PAIP2B: variants seen among roughly 807,000 people sequenced by gnomAD.
PAIP2B encodes the protein polyadenylate-binding protein-interacting protein 2B.
A neutral mutation model predicts 17.0 loss-of-function variants in PAIP2B; 13 were observed. That is an observed-to-expected ratio of 0.76 (90% CI 0.50 to 1.22). The LOEUF is 1.22. Among genes scored for constraint, PAIP2B ranks in the 50% most tolerant of loss-of-function variants. The pLI is 0.00. For synonymous variants in PAIP2B, 43 were observed against 48.7 expected (o/e 0.88, Z 0.48); for missense variants, 117 against 144.5 (o/e 0.81, Z 0.98).
intron 1 of PAIP2B, among the ~76,000 whole-genome samples, chr2:71,212,152 C>T (rs754271408): frequency 2.0e-5 from 3 of 152,200 alleles, no homozygotes; most frequent in Non-Finnish European, 4.4e-5. Flanking sequence ...CAAGTGTCTC[C>T]ATACATTTCA....
intron 2 of PAIP2B, among the ~76,000 whole-genome samples, chr2:71,202,130 G>T (rs995589748): frequency 1.3e-5 from 2 of 152,228 alleles, no homozygotes; most frequent in Non-Finnish European, 2.9e-5. Context: ...AGAGTGTGGA[G>T]TATATGCAAA....
At position 71,196,958 on chromosome 2, in the gene PAIP2B, T is replaced by A. The variant is rs1005859492; in HGVS notation, c.138+5494A>T. Among the ~76,000 whole-genome samples, 9 of 152,276 alleles carry A rather than the reference T, an allele frequency of 5.9e-5. No individual in the cohort carries two copies. In the East Asian group the frequency reaches 1.7e-3, roughly 29 times the overall value. ...AGACAGCATGCTATTGGGTCTTGCT[T>A]TTTTACCCAGCTTGCCACTCTGTGC... is the stretch of plus-strand genomic sequence containing the variant. On this transcript the variant is annotated intron_variant, in intron 2 of 3. Transcript: ENST00000244221.
intron 1 of PAIP2B, among the ~76,000 whole-genome samples, chr2:71,226,385 C>T (rs1358993618): frequency 1.3e-5 from 2 of 152,124 alleles, no homozygotes; most frequent in East Asian, 3.9e-4. Context: ...GCGAACGTCT[C>T]CCAGGCAAAT....
intron 1 of PAIP2B, among the ~76,000 whole-genome samples, chr2:71,226,148 G>C (rs1219940858): frequency 5.2e-4 from 79 of 152,166 alleles, no homozygotes; most frequent in Non-Finnish European, 4.4e-5. Context: ...CGGGTATAAT[G>C]GTCAAATGCC....
chr2:71,226,944 C>T lies in PAIP2B; in HGVS notation c.-28G>A, dbSNP rs1282438666. 2.0e-5 allele frequency: 3 copies of T among 152,912 alleles called. No homozygotes were observed. The highest frequency in any genetic ancestry group is 7.2e-5 in the African/African-American group (3 of 41,592). The allele number at this position is 152,912 out of a possible 1,614,324, so 9.5% of individuals were successfully genotyped here. A position where few individuals can be genotyped will look rare whatever the true frequency, so the allele number is the denominator to read the frequency against. On this transcript the variant is annotated 5_prime_UTR_variant, in exon 1 of 4. Coordinates refer to ENST00000244221, the MANE Select transcript of PAIP2B (RefSeq NM_020459.1). ...CGAGCCCACCTGGGCTAACCAGAAG[C>T]CCCTCCTTCAGATCGTACTCTGCCA...
intron 1 of PAIP2B, among the ~76,000 whole-genome samples, chr2:71,203,736 A>G (rs1474803664): frequency 1.3e-5 from 2 of 151,500 alleles, no homozygotes; most frequent in Non-Finnish European, 2.9e-5. Flanking sequence ...TATTTTTTAT[A>G]AAATAATTTA....
intron 1 of PAIP2B, among the ~76,000 whole-genome samples, chr2:71,208,319 A>C (rs2103798756): frequency 6.6e-6 from 1 of 152,190 alleles, no homozygotes; most frequent in African/African-American, 2.4e-5. Flanking sequence ...AGCTACTCGG[A>C]GGCTGAGGCA....
Position 71,188,129 on chromosome 2 carries a change from T to C in PAIP2B, c.*350A>G, listed in dbSNP as rs1192766631. ...AGTATACAGCAGGGTGAGAGGGGCA[T>C]TTCCTAAATATCCAGTTTTTCTTAG... is the stretch of plus-strand genomic sequence containing the variant. On this transcript the variant is annotated 3_prime_UTR_variant, in exon 4 of 4. Transcript: ENST00000244221. 1.3e-5 allele frequency: 3 copies of C among 231,788 alleles called. No individual in the cohort carries two copies. The highest frequency in any genetic ancestry group is 1.6e-3 in the Middle Eastern group (1 of 624). 14.4% of individuals were successfully genotyped at this position (231,788 alleles called of 1,614,324 possible).
chr2:71,203,447 C>T (rs1675037593), intron 1 of PAIP2B, among the ~76,000 whole-genome samples: 1 of 152,114 alleles, frequency 6.6e-6, no homozygotes, highest in South Asian at 2.1e-4. Flanking sequence ...TGCCACACTA[C>T]TATAAGAATT....
intron 2 of PAIP2B, among the ~76,000 whole-genome samples, chr2:71,197,332 A>T (rs566913506): frequency 1.1e-4 from 16 of 152,338 alleles, no homozygotes; most frequent in Admixed American, 2.0e-4. Context: ...AAGAATGTTA[A>T]ATATAGTCCC....
chr2:71,212,289 G>T (rs1022678489), intron 1 of PAIP2B, among the ~76,000 whole-genome samples: 1 of 152,140 alleles, frequency 6.6e-6, no homozygotes, highest in Non-Finnish European at 1.5e-5. Flanking sequence ...ACATTTGATT[G>T]TATGTATATT....
intron 1 of PAIP2B, among the ~76,000 whole-genome samples, chr2:71,224,052 C>T (rs542368448): frequency 6.6e-6 from 1 of 152,326 alleles, no homozygotes; most frequent in East Asian, 1.9e-4. Flanking sequence ...AAATATGTCA[C>T]TCCTTGCCCA....
Position 71,188,245 on chromosome 2 carries a change from A to C in PAIP2B, c.*234T>G. ...CTTAACTCGAAAGAGCTATTTAAAA[A>C]AACAAAACAGGAAACTCCCCAAACA... On this transcript the variant is annotated 3_prime_UTR_variant, in exon 4 of 4. Coordinates refer to ENST00000244221, the MANE Select transcript of PAIP2B (RefSeq NM_020459.1). 1.9e-6 allele frequency: 1 copy of C among 522,410 alleles called. No individual in the cohort carries two copies. The highest frequency in any genetic ancestry group is 3.4e-6 in the Non-Finnish European group (1 of 296,868). 32.4% of individuals were successfully genotyped at this position (522,410 alleles called of 1,614,324 possible).
chr2:71,194,232 TA>T (rs144374706), intron 2 of PAIP2B, among the ~76,000 whole-genome samples: 9,943 of 152,294 alleles, frequency 0.065, 355 homozygotes, highest in African/African-American at 0.088. Context: ...AATTTTGAAA[TA>T]TTTTTTTCTA....
intron 1 of PAIP2B, among the ~76,000 whole-genome samples, chr2:71,225,460 G>A (rs2103838314): frequency 6.6e-6 from 1 of 152,254 alleles, no homozygotes; most frequent in Non-Finnish European, 1.5e-5. Flanking sequence ...TTTCTCCACT[G>A]AAAGCTAGGA....
chr2:71,215,643 G>A (rs59432780), intron 1 of PAIP2B, among the ~76,000 whole-genome samples: 2 of 152,036 alleles, frequency 1.3e-5, no homozygotes, highest in African/African-American at 2.4e-5. Flanking sequence ...GCCGTGGAAC[G>A]ATAGAAATTA....
chr2:71,199,797 G>A (rs1341633826), intron 2 of PAIP2B, among the ~76,000 whole-genome samples: 3 of 152,164 alleles, frequency 2.0e-5, no homozygotes, highest in African/African-American at 7.2e-5. Flanking sequence ...AGGCTGTAGT[G>A]AGAGGACCAC....
rs975792043 is a variant in PAIP2B, at chr2:71,186,624, G to GC, written c.*1854dup. 6.6e-6 allele frequency: 1 copy of GC among 152,244 alleles called. No homozygotes were observed. Among genetic ancestry groups the GC allele is most frequent in the Admixed American group, 6.5e-5 (1 of 15,282 alleles). The allele number at this position is 152,244 out of a possible 1,614,324, so 9.4% of individuals were successfully genotyped here. A position where few individuals can be genotyped will look rare whatever the true frequency, so the allele number is the denominator to read the frequency against. ...GAGATTTCCTCTATGCACTTGCAAT[G>GC]CCCTTTCCCTTTTAGAGGAAACAAC... is the stretch of plus-strand genomic sequence containing the variant. On this transcript the variant is annotated 3_prime_UTR_variant, in exon 4 of 4. Transcript: ENST00000244221.
intron 2 of PAIP2B, among the ~76,000 whole-genome samples, chr2:71,201,032 TG>T (rs1674971866): frequency 6.6e-6 from 1 of 151,820 alleles, no homozygotes; most frequent in Non-Finnish European, 1.5e-5. Flanking sequence ...TGTGTGTGTG[TG>T]TGTGTGTGTG....
Sources: gnomAD v4.1 joint callset for allele counts (sites outside exome capture counted in the v4.1 genomes callset) on GRCh38, gnomAD v4.1.1 for gene constraint, MANE v1.5 for transcripts, NCBI Gene and HGNC (gene_info 2026-07-23, HGNC 2026-07-21) for gene names.